CAPG: variants seen among roughly 807,000 people sequenced by gnomAD.
CAPG encodes the protein capping actin protein, gelsolin like, also known as macrophage-capping protein.
CAPG carries 32 observed loss-of-function variants against 44.6 expected under a neutral mutation model. The ratio of observed to expected loss-of-function variants is 0.72; its 90% CI spans 0.54 to 0.96. The LOEUF (loss-of-function observed/expected upper bound fraction) is 0.96. Ranked by LOEUF, CAPG falls within the 50% of genes least tolerant of loss-of-function variation. The probability of loss-of-function intolerance (pLI) is 0.00; values close to 1 mark genes in which losing one functional copy is unlikely to be tolerated. For missense variants in CAPG, 412 were observed against 438.3 expected (o/e 0.94, Z 0.54); for synonymous variants, 175 against 179.6 (o/e 0.97, Z 0.20).
chr2:85,407,426 G>C (rs1245763251), intron 1 of CAPG, among the ~76,000 whole-genome samples: 1 of 152,048 alleles, frequency 6.6e-6, no homozygotes, highest in Non-Finnish European at 1.5e-5. Context: ...AAAAACCCCA[G>C]TGCCAGCCAG....
In CAPG at chr2:85,401,976, T is replaced by A; in HGVS notation, c.24-19A>T. 9 of 1,613,742 alleles carry A rather than the reference T, an allele frequency of 5.6e-6. No individual in the cohort carries two copies. The highest frequency in any genetic ancestry group is 7.6e-6 in the Non-Finnish European group (9 of 1,179,874). On this transcript the variant is annotated intron_variant, in intron 2 of 9. Transcript: ENST00000263867. ...AGAGCCACTGCGAGAAGAGAGAGGG[T>A]TGACAGCAGCCTGGACCCACTTGCC...
At chr2:85,399,357 C>A in intron 5 of CAPG, 72 bp from the exon 6 acceptor site, 1 of 1,481,778 alleles carries the variant, frequency 6.7e-7, no homozygotes. Flanking sequence ...GAGAAGGGCG[C>A]ACAGCTCTCC....
At chr2:85,399,618 C>T (rs1386363119) in intron 5 of CAPG, among the ~76,000 whole-genome samples, 2 of 152,194 alleles carry the variant, frequency 1.3e-5, no homozygotes, top group African/African-American at 4.8e-5. Context: ...AGCTTCTAAG[C>T]AGCTGAGACT....
chr2:85,417,500 T>C (rs1028211074), intron 1 of CAPG, among the ~76,000 whole-genome samples: 33 of 133,382 alleles, frequency 2.5e-4, no homozygotes, highest in South Asian at 4.7e-4. Flanking sequence ...TTTTTTTTTT[T>C]GAGACAGAGT....
chr2:85,393,472 A>G (rs2104772907), downstream of CAPG, among the ~76,000 whole-genome samples: 1 of 152,248 alleles, frequency 6.6e-6, no homozygotes, highest in Non-Finnish European at 1.5e-5. Flanking sequence ...CCTTTAAAAA[A>G]CCATCCCTGG....
At chr2:85,398,625 A>C (rs1686723635) in intron 7 of CAPG, 65 bp downstream of exon 7, 2 of 1,315,204 alleles carry the variant, frequency 1.5e-6, no homozygotes, top group Admixed American at 2.0e-5. Context: ...GCTTGCATGC[A>C]GCTGTGCTGT....
At chr2:85,403,898 A>C (rs1200058543) in intron 1 of CAPG, among the ~76,000 whole-genome samples, 3 of 151,602 alleles carry the variant, frequency 2.0e-5, no homozygotes, top group South Asian at 4.1e-4. Context: ...AAAAAAAAAA[A>C]AAAAAAAAAA....
intron 1 of CAPG, among the ~76,000 whole-genome samples, chr2:85,405,757 G>A (rs781025701): frequency 7.2e-5 from 11 of 152,126 alleles, no homozygotes; most frequent in South Asian, 4.1e-4. Flanking sequence ...AGAGGTTTGC[G>A]GAGGGAAACT....
upstream of CAPG, among the ~76,000 whole-genome samples, chr2:85,414,855 T>C (rs558857366): frequency 6.6e-6 from 1 of 152,344 alleles, no homozygotes; most frequent in Admixed American, 6.5e-5. Flanking sequence ...GGAAATGTGT[T>C]GGACAGCGAT....
chr2:85,399,740 C>CTT (rs765588444), intron 5 of CAPG, among the ~76,000 whole-genome samples: 16 of 127,578 alleles, frequency 1.3e-4, no homozygotes, highest in African/African-American at 2.4e-4. Flanking sequence ...CTTTCTTTTT[C>CTT]TTTTTTTTTT....
rs1402569162 is a variant in CAPG at position 85,398,768 on chromosome 2, C to G, written c.681G>C (p.Lys227Asn). ...CAGGGTTGCCCTCCTTCAGAGCAGGCTTGGGGCCCAGGACCTGCAGGGGCC... is the reference window on the plus strand; with the variant it reads ...CAGGGTTGCCCTCCTTCAGAGCAGGGTTGGGGCCCAGGACCTGCAGGGGCC... ...PAEMIQVLGP[K>N]PALKEGNPEE... The change falls in exon 7 of 10, where the codon AAG becomes AAC. Residue 227 changes from lysine (K) to asparagine (N), a missense_variant. By Grantham distance (94) the Lys-to-Asn change is moderately conservative. Transcript: ENST00000263867. The G allele has an allele frequency of 6.2e-6, 10 of 1,605,038 alleles. No homozygotes were observed. The highest frequency in any genetic ancestry group is 7.7e-6 in the Non-Finnish European group (9 of 1,175,836).
chr2:85,398,827 G>T, intron 6 of CAPG, 45 bp from the exon 7 acceptor site: 1 of 1,431,414 alleles, frequency 7.0e-7, no homozygotes, highest in Non-Finnish European at 9.6e-7. Context: ...CCCCTGCCCT[G>T]GAACTTCCCA....
chr2:85,404,950 AATT>A (rs1213551369), intron 1 of CAPG, among the ~76,000 whole-genome samples: 3 of 145,940 alleles, frequency 2.1e-5, no homozygotes, highest in Non-Finnish European at 3.0e-5. Flanking sequence ...AAAAAAAAAA[AATT>A]TTTTTTTTAC....
intron 1 of CAPG, among the ~76,000 whole-genome samples, chr2:85,408,338 T>TCA (rs71390065): frequency 0.031 from 4,004 of 129,490 alleles, 144 homozygotes; most frequent in African/African-American, 0.088. Flanking sequence ...GAAGAATCTG[T>TCA]CACACACACA....
chr2:85,392,626 G>C (rs912624832), downstream of CAPG, among the ~76,000 whole-genome samples: 2 of 152,212 alleles, frequency 1.3e-5, no homozygotes, highest in Admixed American at 6.5e-5. Context: ...CCTGACTGCT[G>C]TCAGCAGGAT....
intron 4 of CAPG, 54 bp downstream of exon 4, chr2:85,401,475 G>A (rs1239971840): frequency 1.9e-6 from 3 of 1,601,654 alleles, no homozygotes; most frequent in East Asian, 2.2e-5. Flanking sequence ...GCCAGAAGCA[G>A]GGCTGGCTCT....
chr2:85,415,959 C>T (rs1687542400), intron 1 of CAPG, among the ~76,000 whole-genome samples: 1 of 152,174 alleles, frequency 6.6e-6, no homozygotes, highest in African/African-American at 2.4e-5. Flanking sequence ...TCAAGTGATC[C>T]TCCTTCCTCG....
chr2:85,401,466 C>A, intron 4 of CAPG, 63 bp downstream of exon 4: 1 of 1,599,180 alleles, frequency 6.3e-7, no homozygotes. Flanking sequence ...TGAGAACCAG[C>A]CAGAAGCAGG....
rs777711420 is a variant in CAPG at position 85,401,262 on chromosome 2, TAG to T, written c.417_418del (p.Tyr140ProfsTer61). The T allele has an allele frequency of 3.3e-5, 53 of 1,614,128 alleles. No homozygotes were observed. Among genetic ancestry groups the T allele is most frequent in the South Asian group, 1.4e-4 (13 of 91,082 alleles). On this transcript the variant is annotated frameshift_variant, in exon 5 of 10. Transcript: ENST00000263867. LOFTEE classifies it high-confidence loss of function. ...GATGTTCTTCTTCCCCTTCACCTGG[TAG>T]AGTTTCTTGATGGCAGCTGGGGCTC...
Sources: allele counts gnomAD v4.1 joint callset (sites outside exome capture counted in the v4.1 genomes callset), GRCh38; gene constraint gnomAD v4.1.1; transcripts MANE v1.5; gene names NCBI Gene and HGNC (gene_info 2026-07-23, HGNC 2026-07-21).